The following SEZ6L2 variants were observed in gnomAD, a reference collection of about 807,000 sequenced individuals.
The protein encoded by SEZ6L2 is seizure 6-like protein 2.
SEZ6L2 carries 44 observed loss-of-function variants against 97.0 expected under a neutral mutation model. The ratio of observed to expected loss-of-function variants is 0.45; its 90% CI spans 0.36 to 0.58. SEZ6L2 has a LOEUF of 0.58. Ranked by LOEUF, SEZ6L2 falls within the 20% of genes least tolerant of loss-of-function variation. The pLI is 0.00. For synonymous variants in SEZ6L2, 543 were observed against 546.1 expected (o/e 0.99, Z 0.08); for missense variants, 1,086 against 1,233.3 (o/e 0.88, Z 1.79).
chr16:29,890,837 C>T (rs2068257201), intron 5 of SEZ6L2, among the ~76,000 whole-genome samples: 1 of 149,000 alleles, frequency 6.7e-6, no homozygotes, highest in South Asian at 2.1e-4. Context: ...CAACTTTTAC[C>T]TCCCGGGTTC....
chr16:29,893,956 C>T (rs1171130329), intron 5 of SEZ6L2, among the ~76,000 whole-genome samples: 1 of 152,284 alleles, frequency 6.6e-6, no homozygotes, highest in Non-Finnish European at 1.5e-5. Context: ...ATGCAACCTC[C>T]GCCTCCTGGG....
chr16:29,872,449 C>T lies in SEZ6L2; in HGVS notation c.2605G>A (p.Val869Ile). The T allele has an allele frequency of 6.2e-7, 1 of 1,614,222 alleles. No homozygotes were observed. Among genetic ancestry groups the T allele is most frequent in the South Asian group, 1.1e-5 (1 of 91,088 alleles). Residue 869 changes from valine to isoleucine, a missense_variant, in exon 16 of 18, where the codon GTC becomes ATC. This residue lies in a region of SEZ6L2 where 310 missense variants were observed against 438.6 expected (regional missense o/e 0.71). Coordinates refer to ENST00000617533, the MANE Select transcript of SEZ6L2 (RefSeq NM_001243332.2). ...TAAACGCCACTGCCGAGGACAATGA[C>T]CAAGCCTAGAGGCAGCAGGATGGCC... ...ALAILLPLGL[V>I]IVLGSGVYIY... is the part of the protein sequence containing the mutation.
chr16:29,876,254 C>T lies in SEZ6L2; in HGVS notation c.2104+502G>A, dbSNP rs965640420. 6.6e-6 allele frequency among the ~76,000 whole-genome samples: 1 copy of T among 152,146 alleles called. No homozygotes were observed. The highest frequency in any genetic ancestry group is 2.4e-5 in the African/African-American group (1 of 41,428). ...CTAACCCCAACCCAGCACGGGGCTT[C>T]AATGATGGCATTCAAATAAACCAAG... is the stretch of plus-strand genomic sequence containing the variant. On this transcript the variant is annotated intron_variant, in intron 12 of 17. Coordinates refer to ENST00000617533, the MANE Select transcript of SEZ6L2 (RefSeq NM_001243332.2). This position sits in a 1 kb window ranked among gnomAD's most constrained non-coding sequence, Gnocchi z 6.5.
intron 1 of SEZ6L2, 138 bp from the exon 2 acceptor site, chr16:29,898,122 G>A: frequency 7.9e-7 from 1 of 1,269,948 alleles, no homozygotes; most frequent in East Asian, 2.6e-5. Context: ...TCGACTGAGG[G>A]CCAAGATCGG....
intron 1 of SEZ6L2, 80 bp from the exon 2 acceptor site, chr16:29,898,064 C>T: frequency 2.5e-6 from 4 of 1,581,062 alleles, no homozygotes; most frequent in Non-Finnish European, 3.4e-6. Flanking sequence ...AGAACTCTTC[C>T]TCCCTCCTCC....
chr16:29,896,707 A>C (rs529713393), intron 3 of SEZ6L2, 115 bp downstream of exon 3: 52 of 808,206 alleles, frequency 6.4e-5, no homozygotes, highest in Non-Finnish European at 9.7e-5. Context: ...TGTTATTATT[A>C]TTCTCCCATC....
At chr16:29,877,019 T>C in intron 11 of SEZ6L2, 69 bp from the exon 12 acceptor site, 1 of 1,475,216 alleles carries the variant, frequency 6.8e-7, no homozygotes, top group Middle Eastern at 2.0e-4. Flanking sequence ...CCTCGGAGGC[T>C]TTGCTCTGTG....
rs775175142 is a variant in SEZ6L2 at position 29,897,852 on chromosome 16, C to T, written c.211+1G>A. 6.2e-6 allele frequency: 10 copies of T among 1,601,828 alleles called. No individual in the cohort carries two copies. The highest frequency in any genetic ancestry group is 1.8e-5 in the Admixed American group (1 of 55,120). ...CACTCCTGCCACTCTGGGGGCCTCA[C>T]CTGGCAGGTAGCCCATCTCTGGGCC... On this transcript the variant is annotated splice_donor_variant, in intron 2 of 17. Coordinates refer to ENST00000617533, the MANE Select transcript of SEZ6L2 (RefSeq NM_001243332.2). LOFTEE classifies it high-confidence loss of function.
chr16:29,872,003 C>T (rs1431197113), intron 17 of SEZ6L2, among the ~76,000 whole-genome samples, 184 bp downstream of exon 17: 2 of 152,122 alleles, frequency 1.3e-5, no homozygotes, highest in Non-Finnish European at 1.5e-5. Context: ...ACAAGTCCTC[C>T]ACTTAGCCAC....
At chr16:29,898,907 C>T (rs1266982757) in intron 1 of SEZ6L2, 34 bp downstream of exon 1, 2 of 1,573,938 alleles carry the variant, frequency 1.3e-6, no homozygotes, top group Non-Finnish European at 1.7e-6. Context: ...TGGACGCCTT[C>T]CTGGGGCCCA....
intron 2 of SEZ6L2, among the ~76,000 whole-genome samples, chr16:29,897,342 CCACCCA>C (rs2068426229): frequency 6.7e-6 from 1 of 149,882 alleles, no homozygotes; most frequent in Admixed American, 6.7e-5. Context: ...TCCCTTCTCT[CCACCCA>C]GCCCCTTCCA....
intron 7 of SEZ6L2, 105 bp from the exon 8 acceptor site, chr16:29,885,854 A>G: frequency 8.9e-7 from 1 of 1,119,230 alleles, no homozygotes; most frequent in Admixed American, 2.5e-5. Flanking sequence ...CATCACACAT[A>G]ACTATATGCC....
chr16:29,897,066 C>A lies in SEZ6L2; in HGVS notation c.267G>T (p.Val89=). 6.3e-7 allele frequency: 1 copy of A among 1,581,328 alleles called. No homozygotes were observed. Among genetic ancestry groups the A allele is most frequent in the African/African-American group, 1.3e-5 (1 of 74,772 alleles). The change falls in exon 3 of 18, where the codon GTG becomes GTT. Residue 89 remains valine, a synonymous_variant. Transcript: ENST00000617533. The part of the protein sequence containing the change: ...ATPPAGQTLA[V]PSLPRATEPG... ...GCTCAGTGGCCCGTGGCAGGGAGGG[C>A]ACTGCGAGAGTCTGGCCGGCCGGAG...
intron 7 of SEZ6L2, 52 bp downstream of exon 7, chr16:29,887,597 C>G: frequency 6.7e-7 from 1 of 1,497,376 alleles, no homozygotes; most frequent in Non-Finnish European, 9.0e-7. Context: ...CAGGCATGAG[C>G]CACCATGCCC....
chr16:29,893,918 T>G (rs1297743714), intron 5 of SEZ6L2, among the ~76,000 whole-genome samples: 1 of 152,208 alleles, frequency 6.6e-6, no homozygotes, highest in Admixed American at 6.5e-5. Flanking sequence ...TCACCTAGCC[T>G]GGAGTACAAT....
In SEZ6L2 at chr16:29,888,806, C is replaced by T; in HGVS notation, c.854-81G>A. The T allele has an allele frequency of 2.3e-6, 3 of 1,307,674 alleles. No homozygotes were observed. In the South Asian group the frequency reaches 4.3e-5, roughly 19 times the overall value. 81.0% of individuals were successfully genotyped at this position (1,307,674 alleles called of 1,614,324 possible). A position where few individuals can be genotyped will look rare whatever the true frequency, so the allele number is the denominator to read the frequency against. On this transcript the variant is annotated intron_variant, in intron 5 of 17. Transcript: ENST00000617533. Reference sequence around the variant, plus strand: ...ACTGATCCCCCAGCACTTCCCCCCTCTCCTTTCAGGCCAACCTTCCAGGGG... The same window carrying T: ...ACTGATCCCCCAGCACTTCCCCCCTTTCCTTTCAGGCCAACCTTCCAGGGG...
rs199665116 is a variant in SEZ6L2, at chr16:29,895,283, C to T, written c.829G>A (p.Gly277Ser). ...CCCTGATAGTGGATCCTGAAGCCAC[C>T]GCCCCTTGGGACCCGTGGGCTCTGG... ...HFQSPRVPRG[G>S]GFRIHYQAYL... is the part of the protein sequence containing the mutation. The change falls in exon 5 of 18, where the codon GGT (glycine) becomes AGT (serine). Residue 277 changes from glycine to serine, a missense_variant. This residue lies in a region of SEZ6L2 where 776 missense variants were observed against 794.7 expected (regional missense o/e 0.98). Transcript: ENST00000617533. The T allele has an allele frequency of 5.7e-5, 92 of 1,614,062 alleles. No individual in the cohort carries two copies. The highest frequency in any genetic ancestry group is 5.6e-4 in the East Asian group (25 of 44,884).
chr16:29,899,324 G>A lies in SEZ6L2; in HGVS notation c.-305C>T, dbSNP rs569966023. The A allele has an allele frequency of 1.0e-5, 4 of 387,076 alleles. No homozygotes were observed. Among genetic ancestry groups the A allele is most frequent in the Non-Finnish European group, 1.9e-5 (4 of 214,946 alleles). The allele number at this position is 387,076 out of a possible 1,614,324, so 24.0% of individuals were successfully genotyped here. A position where few individuals can be genotyped will look rare whatever the true frequency, so the allele number is the denominator to read the frequency against. ...CCGAGAGGGCCGAAGGGGCCGGGTG[G>A]CCTGGGTTACCCTCCTGCTCAGGCG... On this transcript the variant is annotated 5_prime_UTR_variant, in exon 1 of 18. Transcript: ENST00000617533.
chr16:29,880,754 G>C (rs117753031), intron 8 of SEZ6L2, among the ~76,000 whole-genome samples: 30 of 151,110 alleles, frequency 2.0e-4, no homozygotes, highest in Middle Eastern at 3.4e-3. Flanking sequence ...ACTGCGCCCA[G>C]CCTGGGTTTT....
Sources: allele counts gnomAD v4.1 joint callset (sites outside exome capture counted in the v4.1 genomes callset), GRCh38; gene constraint gnomAD v4.1.1; regional missense constraint gnomAD v4.1.1; non-coding constraint Gnocchi (gnomAD v3.1); transcripts MANE v1.5; gene names NCBI Gene and HGNC (gene_info 2026-07-23, HGNC 2026-07-21).